The following TEKT3 variants were observed in gnomAD, a reference collection of about 807,000 sequenced individuals.
The protein encoded by TEKT3 is tektin 3.
A neutral mutation model predicts 49.8 loss-of-function variants in TEKT3; 49 were observed. That is an observed-to-expected ratio of 0.98 (90% CI 0.78 to 1.25). The LOEUF (loss-of-function observed/expected upper bound fraction) is 1.25. Ranked by LOEUF, TEKT3 falls within the 50% of genes most tolerant of loss-of-function variation. TEKT3 has a pLI of 0.00. For synonymous variants in TEKT3, 225 were observed against 237.2 expected (o/e 0.95, Z 0.47); for missense variants, 595 against 629.5 (o/e 0.95, Z 0.59).
At chr17:15,321,304 C>T (rs943712777) in intron 4 of TEKT3, among the ~76,000 whole-genome samples, 6 of 152,064 alleles carry the variant, frequency 3.9e-5, no homozygotes, top group African/African-American at 7.2e-5. Flanking sequence ...CCACCATGCC[C>T]GGCCAACAAT....
chr17:15,338,279 A>T (rs2150755816), intron 2 of TEKT3, among the ~76,000 whole-genome samples: 1 of 152,322 alleles, frequency 6.6e-6, no homozygotes, highest in South Asian at 2.1e-4. Flanking sequence ...AAAACTGATT[A>T]AAGAAGAGTT....
At chr17:15,306,680 GTGTC>G (rs1252644432) in intron 8 of TEKT3, among the ~76,000 whole-genome samples, 3 of 152,122 alleles carry the variant, frequency 2.0e-5, no homozygotes, top group Admixed American at 6.5e-5. Flanking sequence ...AAGCAACCCT[GTGTC>G]TGTCTAACGG....
chr17:15,314,047 A>G, intron 6 of TEKT3, 40 bp downstream of exon 6: 2 of 1,613,664 alleles, frequency 1.2e-6, no homozygotes, highest in Non-Finnish European at 1.7e-6. Context: ...AAAGAGTTAA[A>G]TGACATCGAA....
intron 5 of TEKT3, among the ~76,000 whole-genome samples, chr17:15,315,306 C>T (rs73977998): frequency 0.013 from 1,949 of 152,280 alleles, 49 homozygotes; most frequent in African/African-American, 0.044. Context: ...GGAATCAGAT[C>T]ATGCAGGGCC....
intron 3 of TEKT3, among the ~76,000 whole-genome samples, chr17:15,330,367 G>T (rs1380183): frequency 0.056 from 8,479 of 152,220 alleles, 303 homozygotes; most frequent in Middle Eastern, 0.12. Flanking sequence ...TGGGGGTGGG[G>T]CCTGGTGGGA....
chr17:15,327,515 T>C (rs1911541829), intron 4 of TEKT3, among the ~76,000 whole-genome samples: 1 of 141,400 alleles, frequency 7.1e-6, no homozygotes, highest in Non-Finnish European at 1.5e-5. Flanking sequence ...AGACTCTGTC[T>C]CAAAAAAAAA....
intron 2 of TEKT3, among the ~76,000 whole-genome samples, chr17:15,337,345 A>G (rs1356346138): frequency 6.6e-6 from 1 of 152,110 alleles, no homozygotes; most frequent in Admixed American, 6.5e-5. Context: ...GAAGACAAAA[A>G]AGACTCATAA....
intron 1 of TEKT3, among the ~76,000 whole-genome samples, chr17:15,341,112 G>C (rs1283380511): frequency 6.6e-6 from 1 of 152,178 alleles, no homozygotes; most frequent in African/African-American, 2.4e-5. Flanking sequence ...CGTGGCTGCA[G>C]ATCTGAAGGC....
At chr17:15,308,372 T>C (rs537608087) in intron 8 of TEKT3, among the ~76,000 whole-genome samples, 1 of 152,318 alleles carries the variant, frequency 6.6e-6, no homozygotes, top group South Asian at 2.1e-4. Flanking sequence ...TTTTTAAGGA[T>C]TTGTGGTAAA....
chr17:15,310,323 T>C (rs1026174417), intron 7 of TEKT3, among the ~76,000 whole-genome samples: 6 of 152,206 alleles, frequency 3.9e-5, no homozygotes, highest in African/African-American at 1.4e-4. Context: ...CTGTTAGGGC[T>C]GAATAGTGCC....
In TEKT3 at chr17:15,341,581, A is replaced by G. The variant is rs1207591187; in HGVS notation, c.-127T>C. 1.3e-5 allele frequency: 2 copies of G among 152,352 alleles called. No homozygotes were observed. The highest frequency in any genetic ancestry group is 1.5e-5 in the Non-Finnish European group (1 of 68,102). The allele number at this position is 152,352 out of a possible 1,614,324, so 9.4% of individuals were successfully genotyped here. ...TGGGAGGAAGGGGTCGCAGCCTACC[A>G]CCTGCAGCCCTCGACTGGGGCCCAG... On this transcript the variant is annotated 5_prime_UTR_variant, in exon 1 of 9. Transcript: ENST00000395930.
chr17:15,339,991 G>A (rs1175576658), intron 2 of TEKT3, 37 bp downstream of exon 2: 1 of 152,178 alleles, frequency 6.6e-6, no homozygotes, highest in East Asian at 1.9e-4. Context: ...TGGAGAGCTA[G>A]ATGGTGGTAT....
chr17:15,316,761 C>T (rs552470364), intron 5 of TEKT3, among the ~76,000 whole-genome samples: 3 of 152,232 alleles, frequency 2.0e-5, no homozygotes, highest in East Asian at 1.9e-4. Flanking sequence ...CCAGGCTGTC[C>T]GGAAGATAAT....
chr17:15,306,676 C>A (rs576020624), intron 8 of TEKT3, among the ~76,000 whole-genome samples: 5 of 152,238 alleles, frequency 3.3e-5, no homozygotes, highest in East Asian at 1.9e-4. Flanking sequence ...TTAAAAGCAA[C>A]CCTGTGTCTG....
chr17:15,312,246 G>A lies in TEKT3; in HGVS notation c.1101+13C>T. The A allele has an allele frequency of 6.2e-7, 1 of 1,613,478 alleles. No homozygotes were observed. The highest frequency in any genetic ancestry group is 8.5e-7 in the Non-Finnish European group (1 of 1,179,540). ...CCAGGTCAGCTAAGGGGTACCACTG[G>A]CGGTTGATTTACCTTTGCTAAGTGC... On this transcript the variant is annotated intron_variant, in intron 7 of 8. Transcript: ENST00000395930.
At chr17:15,309,758 C>T (rs1296303611) in intron 7 of TEKT3, among the ~76,000 whole-genome samples, 1 of 152,164 alleles carries the variant, frequency 6.6e-6, no homozygotes, top group African/African-American at 2.4e-5. Context: ...CTCTCAGTGG[C>T]CCCTGGATTC....
intron 8 of TEKT3, among the ~76,000 whole-genome samples, chr17:15,306,089 A>ATATG (rs1291765039): frequency 6.2e-5 from 9 of 144,410 alleles, no homozygotes; most frequent in Admixed American, 2.1e-4. Flanking sequence ...ATTTATATAT[A>ATATG]TGTGTGTGTG....
rs550976485 is a variant in TEKT3, at chr17:15,320,690, C to T, written c.664-1543G>A. Among the ~76,000 whole-genome samples, 3 of 152,290 alleles carry T rather than the reference C, an allele frequency of 2.0e-5. No individual in the cohort carries two copies. The South Asian group carries it at 6.2e-4, about 32-fold the overall frequency. ...TAAAGGAAGAGCTAAATTCCCTTCA[C>T]ACATTGACACCAACATTCTCCCTGC... On this transcript the variant is annotated intron_variant, in intron 4 of 8. Coordinates refer to ENST00000395930, the MANE Select transcript of TEKT3 (RefSeq NM_031898.3).
intron 6 of TEKT3, among the ~76,000 whole-genome samples, chr17:15,313,280 C>G (rs879410021): frequency 6.6e-6 from 1 of 152,144 alleles, no homozygotes; most frequent in Admixed American, 6.5e-5. Flanking sequence ...ATTTCAACTG[C>G]GTGCATTGTA....
Sources: allele counts gnomAD v4.1 joint callset (sites outside exome capture counted in the v4.1 genomes callset), GRCh38; gene constraint gnomAD v4.1.1; transcripts MANE v1.5; gene names NCBI Gene and HGNC (gene_info 2026-07-23, HGNC 2026-07-21).